The following ACYP2 variants were observed in gnomAD, a reference collection of about 807,000 sequenced individuals.
ACYP2 encodes the protein acylphosphatase-2.
Under a neutral mutation model 11.2 loss-of-function variants are expected in ACYP2, and 12 were observed. The ratio of observed to expected loss-of-function variants is 1.08; its 90% CI spans 0.69 to 1.74. The LOEUF (loss-of-function observed/expected upper bound fraction) is 1.74. ACYP2 is among the 40% of genes most tolerant of loss of function. ACYP2 has a pLI of 0.00. For synonymous variants in ACYP2, 43 were observed against 32.2 expected, an observed-to-expected ratio of 1.33 and a Z score of -1.13; for missense variants, 134 against 101.9, an observed-to-expected ratio of 1.31 and a Z score of -1.35.
At chr2:54,291,119 C>T (rs1689288099) in intron 6 of ACYP2, among the ~76,000 whole-genome samples, 1 of 152,162 alleles carries the variant, frequency 6.6e-6, no homozygotes. Flanking sequence ...GCTGAGGTCC[C>T]CAAAGCACTT....
chr2:54,231,200 T>A (rs1686221027), intron 6 of ACYP2, among the ~76,000 whole-genome samples: 1 of 152,182 alleles, frequency 6.6e-6, no homozygotes, highest in Admixed American at 6.5e-5. Context: ...GACAACAAGC[T>A]GTACCCTGAC....
chr2:54,201,613 TTTC>T lies in ACYP2; in HGVS notation c.404+62868_404+62870del, dbSNP rs1558608555. Reference sequence around the variant, plus strand: ...TTCTTTCTCTTTCTTTCTTTCTTTCTTTCTTTCTTTGTTTCTTTCTTTCTCTTT... The same window carrying T: ...TTCTTTCTCTTTCTTTCTTTCTTTCTTTTCTTTGTTTCTTTCTTTCTCTTT... On this transcript the variant is annotated intron_variant, in intron 6 of 6. Transcript: ENST00000607452. Among the ~76,000 whole-genome samples the T allele has an allele frequency of 4.9e-4, 39 of 79,784 alleles. 1 individual carries two copies. Among genetic ancestry groups the T allele is most frequent in the Admixed American group, 1.9e-3 (16 of 8,300 alleles). The allele number at this position is 79,784 out of a possible 152,430, so 52.3% of individuals were successfully genotyped here.
chr2:54,127,214 C>T (rs972897241), intron 4 of ACYP2, among the ~76,000 whole-genome samples: 6 of 150,796 alleles, frequency 4.0e-5, no homozygotes, highest in African/African-American at 1.5e-4. Context: ...CTGACATAAT[C>T]ATCCCCTATT....
chr2:54,249,589 T>G (rs757294372), intron 6 of ACYP2, among the ~76,000 whole-genome samples: 4 of 152,154 alleles, frequency 2.6e-5, no homozygotes, highest in Non-Finnish European at 5.9e-5. Flanking sequence ...GGAAAACTTA[T>G]ATTTAAGGGG....
At chr2:54,094,296 C>T (rs997431563) in intron 4 of ACYP2, among the ~76,000 whole-genome samples, 1 of 151,252 alleles carries the variant, frequency 6.6e-6, no homozygotes, top group African/African-American at 2.4e-5. Flanking sequence ...GGTGCCATCT[C>T]GGCTCACTGC....
At chr2:54,194,321 T>G (rs1014885336) in intron 6 of ACYP2, among the ~76,000 whole-genome samples, 3 of 152,260 alleles carry the variant, frequency 2.0e-5, no homozygotes, top group Admixed American at 6.5e-5. Context: ...ATTACAGGCA[T>G]GAGCCACCGC....
chr2:54,075,913 C>G (rs1269605401), intron 4 of ACYP2, among the ~76,000 whole-genome samples: 1 of 152,072 alleles, frequency 6.6e-6, no homozygotes, highest in Non-Finnish European at 1.5e-5. Context: ...AAATATGTCA[C>G]TCATATTGAT....
chr2:54,240,566 T>C (rs1338455452), intron 6 of ACYP2, among the ~76,000 whole-genome samples: 1 of 152,208 alleles, frequency 6.6e-6, no homozygotes, highest in South Asian at 2.1e-4. Context: ...CTCCAACTTT[T>C]AGTTTTCCCA....
chr2:54,115,479 G>A lies in ACYP2; in HGVS notation c.278-19974G>A, dbSNP rs959679241. 16 of 1,294,174 alleles carry A rather than the reference G, an allele frequency of 1.2e-5. No homozygotes were observed. The African/African-American group carries it at 2.2e-4, about 17-fold the overall frequency. The allele number at this position is 1,294,174 out of a possible 1,614,324, so 80.2% of individuals were successfully genotyped here. ...AGAGGCCTAGGATGCCTGGGGCCCAGCGGCCTCTTCCCTCCTGGCGTCCCC... is the reference window on the plus strand; with the variant it reads ...AGAGGCCTAGGATGCCTGGGGCCCAACGGCCTCTTCCCTCCTGGCGTCCCC... On this transcript the variant is annotated intron_variant, in intron 4 of 6. Transcript: ENST00000607452.
chr2:54,252,611 A>G (rs1240270033), intron 6 of ACYP2, among the ~76,000 whole-genome samples: 1 of 152,120 alleles, frequency 6.6e-6, no homozygotes, highest in African/African-American at 2.4e-5. Flanking sequence ...ATCCATTCAT[A>G]AGGAAAGATC....
chr2:54,268,910 A>T (rs1183724740), intron 6 of ACYP2, among the ~76,000 whole-genome samples: 1 of 152,226 alleles, frequency 6.6e-6, no homozygotes, highest in Non-Finnish European at 1.5e-5. Flanking sequence ...GAGAGTTTAC[A>T]ATGTTATAAG....
At chr2:54,245,718 T>G (rs1686918763) in intron 6 of ACYP2, among the ~76,000 whole-genome samples, 1 of 151,996 alleles carries the variant, frequency 6.6e-6, no homozygotes, top group African/African-American at 2.4e-5. Flanking sequence ...AGATTTTTTT[T>G]TTTTTGCTGT....
chr2:54,230,829 C>CT (rs34359444), intron 6 of ACYP2, among the ~76,000 whole-genome samples: 35,241 of 129,336 alleles, frequency 0.27, 5,365 homozygotes, highest in South Asian at 0.51. Flanking sequence ...TCTTTCTTTT[C>CT]TTTTTTTTTT....
intron 6 of ACYP2, among the ~76,000 whole-genome samples, chr2:54,195,638 C>CAAA (rs776374582): frequency 4.8e-5 from 4 of 83,010 alleles, no homozygotes; most frequent in Admixed American, 2.5e-4. Flanking sequence ...TGGCCAAAGG[C>CAAA]AAAAAAAAAA....
At chr2:54,235,142 G>A (rs1686415876) in intron 6 of ACYP2, among the ~76,000 whole-genome samples, 1 of 152,150 alleles carries the variant, frequency 6.6e-6, no homozygotes, top group Non-Finnish European at 1.5e-5. Flanking sequence ...TGAGATTGGG[G>A]TGTAAGTTTT....
intron 2 of ACYP2, among the ~76,000 whole-genome samples, chr2:54,020,430 T>G (rs1028912218): frequency 6.6e-6 from 1 of 152,220 alleles, no homozygotes; most frequent in African/African-American, 2.4e-5. Context: ...GGTCAAATGT[T>G]TGCTTAAAAG....
At chr2:54,017,411 C>T (rs780248909) in intron 2 of ACYP2, among the ~76,000 whole-genome samples, 10 of 151,614 alleles carry the variant, frequency 6.6e-5, no homozygotes, top group Non-Finnish European at 1.2e-4. Context: ...TGAACCACCA[C>T]GCCTGGCTAA....
At chr2:54,032,466 T>C (rs1373743287) in intron 2 of ACYP2, among the ~76,000 whole-genome samples, 1 of 152,190 alleles carries the variant, frequency 6.6e-6, no homozygotes, top group Admixed American at 6.5e-5. Context: ...GAGGGCTCTT[T>C]TCTGTTCCAT....
intron 2 of ACYP2, among the ~76,000 whole-genome samples, chr2:54,014,885 A>T (rs983718811): frequency 1.3e-5 from 2 of 152,052 alleles, no homozygotes; most frequent in African/African-American, 4.8e-5. Flanking sequence ...TCAGCCTCTC[A>T]AAGTGCTGAG....
Sources: allele counts gnomAD v4.1 joint callset (sites outside exome capture counted in the v4.1 genomes callset), GRCh38; gene constraint gnomAD v4.1.1; transcripts MANE v1.5; gene names NCBI Gene and HGNC (gene_info 2026-07-23, HGNC 2026-07-21).